GALNT1: variants seen among roughly 807,000 people sequenced by gnomAD.
GALNT1 encodes the protein GalNAc transferase 1.
In GALNT1, 17 loss-of-function variants were observed where a neutral mutation model predicts 65.7. The ratio of observed to expected loss-of-function variants is 0.26; its 90% CI spans 0.18 to 0.39. The LOEUF (loss-of-function observed/expected upper bound fraction) is 0.39. GALNT1 is among the 10% of genes least tolerant of loss of function. GALNT1 has a pLI of 1.00. For synonymous variants in GALNT1, 210 were observed against 219.7 expected, an observed-to-expected ratio of 0.96 and a Z score of 0.39; for missense variants, 460 against 672.8, an observed-to-expected ratio of 0.68 and a Z score of 3.50.
intron 1 of GALNT1, among the ~76,000 whole-genome samples, chr18:35,593,684 T>G (rs1473360952): frequency 6.6e-6 from 1 of 152,038 alleles, no homozygotes; most frequent in Non-Finnish European, 1.5e-5. Context: ...ATAATTTTTT[T>G]TTTTTAAACC....
Position 35,687,077 on chromosome 18 carries a change from G to A in GALNT1, c.751G>A (p.Gly251Ser). ...ISDDTFEYMAGSDMTYGGFNW... is the reference protein window; with the variant it reads ...ISDDTFEYMASSDMTYGGFNW... ...TGATGATACTTTTGAGTACATGGCA[G>A]GCTCTGATATGACCTATGGTGGGTT... Residue 251 changes from glycine to serine, a missense_variant, in exon 6 of 12, where the codon GGC becomes AGC. Physicochemically the swap from Gly to Ser is moderately conservative, Grantham distance 56. Transcript: ENST00000269195. 1 of 1,613,936 alleles carries A rather than the reference G, an allele frequency of 6.2e-7. No individual in the cohort carries two copies. The highest frequency in any genetic ancestry group is 8.5e-7 in the Non-Finnish European group (1 of 1,179,872).
chr18:35,645,578 G>C (rs752763943), intron 1 of GALNT1, among the ~76,000 whole-genome samples: 2 of 152,072 alleles, frequency 1.3e-5, no homozygotes, highest in Non-Finnish European at 2.9e-5. Flanking sequence ...ATAGGAGCAC[G>C]ACTGATGTTA....
chr18:35,595,363 A>T (rs2046492598), intron 1 of GALNT1, among the ~76,000 whole-genome samples: 1 of 152,138 alleles, frequency 6.6e-6, no homozygotes, highest in South Asian at 2.1e-4. Flanking sequence ...GACTTGTGGG[A>T]GGTGACAGTG....
At chr18:35,674,888 C>T (rs1394552270) in intron 3 of GALNT1, among the ~76,000 whole-genome samples, 1 of 141,658 alleles carries the variant, frequency 7.1e-6, no homozygotes, top group African/African-American at 2.7e-5. Flanking sequence ...GAGGCTGAGG[C>T]AGGAGAATGG....
At chr18:35,687,207 T>C in intron 6 of GALNT1, 21 bp downstream of exon 6, 1 of 1,607,466 alleles carries the variant, frequency 6.2e-7, no homozygotes, top group Non-Finnish European at 8.5e-7. Context: ...TGTCAGACAT[T>C]TTGCCTAAAG....
chr18:35,643,335 A>G (rs1376380215), intron 1 of GALNT1, among the ~76,000 whole-genome samples: 2 of 152,146 alleles, frequency 1.3e-5, no homozygotes, highest in African/African-American at 4.8e-5. Flanking sequence ...ATTACCTGTT[A>G]AAAATAAAAA....
chr18:35,588,914 G>A (rs895756686), intron 1 of GALNT1, among the ~76,000 whole-genome samples: 3 of 152,018 alleles, frequency 2.0e-5, no homozygotes, highest in African/African-American at 7.2e-5. Context: ...GCCTCCTGAT[G>A]TCTTTTTCAT....
chr18:35,635,809 C>A (rs1272343126), intron 1 of GALNT1, among the ~76,000 whole-genome samples: 1 of 151,506 alleles, frequency 6.6e-6, no homozygotes, highest in African/African-American at 2.4e-5. Context: ...TTGTCCACAG[C>A]TATTTGTATT....
intron 11 of GALNT1, among the ~76,000 whole-genome samples, chr18:35,705,840 T>G (rs2048248528): frequency 6.6e-6 from 1 of 152,246 alleles, no homozygotes; most frequent in Non-Finnish European, 1.5e-5. Context: ...TGTTGTAATA[T>G]TCTTAGCTTT....
intron 3 of GALNT1, among the ~76,000 whole-genome samples, chr18:35,668,711 C>T (rs1430302351): frequency 6.6e-6 from 1 of 152,004 alleles, no homozygotes; most frequent in Non-Finnish European, 1.5e-5. Context: ...AGTATTGTGC[C>T]TGTAGATAAC....
At chr18:35,675,651 T>C (rs1389297506) in intron 3 of GALNT1, among the ~76,000 whole-genome samples, 2 of 152,244 alleles carry the variant, frequency 1.3e-5, no homozygotes, top group African/African-American at 2.4e-5. Flanking sequence ...AACAGTACCA[T>C]TTGTATCTGT....
intron 4 of GALNT1, among the ~76,000 whole-genome samples, chr18:35,683,098 G>T (rs530580613): frequency 1.3e-5 from 2 of 149,770 alleles, no homozygotes; most frequent in Non-Finnish European, 1.5e-5. Flanking sequence ...ATTAGAGAAA[G>T]AATTGAGTCT....
At chr18:35,595,702 A>G (rs8087142) in intron 1 of GALNT1, among the ~76,000 whole-genome samples, 32,071 of 148,232 alleles carry the variant, frequency 0.22, 3,820 homozygotes, top group African/African-American at 0.33. Flanking sequence ...AATAGTGGCA[A>G]TTTTTTTTTC....
intron 1 of GALNT1, among the ~76,000 whole-genome samples, chr18:35,582,347 G>T (rs2046332774): frequency 6.6e-6 from 1 of 152,122 alleles, no homozygotes; most frequent in Non-Finnish European, 1.5e-5. Flanking sequence ...CGGGCTTTAG[G>T]TAATGTAGTA....
chr18:35,647,964 T>A (rs2047253024), intron 1 of GALNT1, among the ~76,000 whole-genome samples: 1 of 151,484 alleles, frequency 6.6e-6, no homozygotes. Flanking sequence ...GGTGGATCAC[T>A]TGAGACCAGG....
At chr18:35,648,903 C>CT (rs146142963) in intron 1 of GALNT1, among the ~76,000 whole-genome samples, 1,955 of 152,276 alleles carry the variant, frequency 0.013, 39 homozygotes, top group African/African-American at 0.042. Flanking sequence ...TTTTTCAGCC[C>CT]TTGGCAGCCG....
intron 3 of GALNT1, among the ~76,000 whole-genome samples, chr18:35,674,319 A>G (rs1211826487): frequency 2.6e-5 from 4 of 152,178 alleles, no homozygotes; most frequent in African/African-American, 9.7e-5. Flanking sequence ...ACTAGGCCAT[A>G]GGTATTTTTC....
At chr18:35,603,975 T>C (rs879843941) in intron 1 of GALNT1, among the ~76,000 whole-genome samples, 2 of 152,190 alleles carry the variant, frequency 1.3e-5, no homozygotes, top group African/African-American at 2.4e-5. Flanking sequence ...GTTTGTTACA[T>C]GGGTATATTG....
intron 1 of GALNT1, among the ~76,000 whole-genome samples, chr18:35,628,625 A>G (rs1359668267): frequency 6.6e-6 from 1 of 152,212 alleles, no homozygotes; most frequent in East Asian, 1.9e-4. Context: ...GAAAAAACAG[A>G]GCAGAAAAAA....
Sources: allele counts gnomAD v4.1 joint callset (sites outside exome capture counted in the v4.1 genomes callset), GRCh38; gene constraint gnomAD v4.1.1; transcripts MANE v1.5; gene names NCBI Gene and HGNC (gene_info 2026-07-23, HGNC 2026-07-21).